The following AGO2 variants were observed in gnomAD, a reference collection of about 807,000 sequenced individuals.
AGO2 encodes protein argonaute-2.
A neutral mutation model predicts 102.3 loss-of-function variants in AGO2; 5 were observed. That is an observed-to-expected ratio of 0.05 (90% CI 0.03 to 0.10). AGO2 has a LOEUF of 0.10. AGO2 is among the 10% of genes least tolerant of loss of function. The pLI is 1.00. For synonymous variants in AGO2, 449 were observed against 473.1 expected (o/e 0.95, Z 0.66); for missense variants, 541 against 1,183.7 (o/e 0.46, Z 7.97).
chr8:140,574,163 G>A (rs190586383), intron 2 of AGO2, among the ~76,000 whole-genome samples: 1 of 120,938 alleles, frequency 8.3e-6, no homozygotes, highest in Non-Finnish European at 1.6e-5. Context: ...CACCGTGACA[G>A]AGAGGCCTCC....
intron 1 of AGO2, among the ~76,000 whole-genome samples, chr8:140,613,725 A>G (rs1426549675): frequency 2.6e-5 from 4 of 152,124 alleles, no homozygotes; most frequent in African/African-American, 9.7e-5. Context: ...CACACTATAA[A>G]GAACAGCTGG....
intron 3 of AGO2, among the ~76,000 whole-genome samples, chr8:140,565,096 A>G (rs1271867368): frequency 2.8e-5 from 4 of 143,388 alleles, no homozygotes; most frequent in Non-Finnish European, 6.1e-5. Flanking sequence ...ATCGCACCAT[A>G]CTCCAGCTTG....
chr8:140,635,643 ACGCGGCCGGGGC>A (rs1213270343), upstream of AGO2: 2 of 516,648 alleles, frequency 3.9e-6, no homozygotes, highest in Middle Eastern at 9.5e-4. Context: ...GGTTTACCCG[ACGCGGCCGGGGC>A]GGCGGGCGGA....
chr8:140,598,900 T>C (rs1316882228), intron 1 of AGO2, among the ~76,000 whole-genome samples: 2 of 152,220 alleles, frequency 1.3e-5, no homozygotes, highest in Admixed American at 6.5e-5. Flanking sequence ...AGCCTCCCCA[T>C]GCGTTTTCCT....
At chr8:140,621,699 T>G (rs1261826613) in intron 1 of AGO2, among the ~76,000 whole-genome samples, 1 of 152,194 alleles carries the variant, frequency 6.6e-6, no homozygotes, top group Admixed American at 6.5e-5. Context: ...GGGCAAAACA[T>G]CTTAAATCTA....
chr8:140,535,384 C>A, intron 17 of AGO2, 84 bp downstream of exon 17: 1 of 1,427,928 alleles, frequency 7.0e-7, no homozygotes, highest in Admixed American at 1.7e-5. Context: ...TCCCACGTGC[C>A]AGCCAGAGTG....
At chr8:140,636,962 G>A (rs987837224), upstream of AGO2, 3 of 152,106 alleles carry the variant, frequency 2.0e-5, no homozygotes, top group African/African-American at 7.2e-5. Context: ...CATTCTTTAG[G>A]GAAGCATCAT....
chr8:140,598,045 G>A (rs937475637), intron 1 of AGO2, among the ~76,000 whole-genome samples: 1 of 152,226 alleles, frequency 6.6e-6, no homozygotes, highest in African/African-American at 2.4e-5. Flanking sequence ...GTCGAACACT[G>A]AGCTTACTAT....
intron 3 of AGO2, chr8:140,572,568 G>C: frequency 2.3e-6 from 1 of 428,898 alleles, no homozygotes; most frequent in Non-Finnish European, 4.0e-6. Context: ...TTAAAGTTTG[G>C]TGGTTTCAGC....
At chr8:140,605,527 G>C (rs917962513) in intron 1 of AGO2, among the ~76,000 whole-genome samples, 3 of 152,244 alleles carry the variant, frequency 2.0e-5, no homozygotes, top group African/African-American at 7.2e-5. Context: ...GACGCACGGG[G>C]ATACCAGGCC....
chr8:140,562,308 G>A (rs1038841507), intron 4 of AGO2, 145 bp downstream of exon 4: 4 of 987,986 alleles, frequency 4.0e-6, no homozygotes, highest in African/African-American at 3.3e-5. Flanking sequence ...CACCATTTGT[G>A]TTATCTTCAT....
At chr8:140,627,716 TCA>T (rs2074294349) in intron 1 of AGO2, among the ~76,000 whole-genome samples, 1 of 152,148 alleles carries the variant, frequency 6.6e-6, no homozygotes, top group Admixed American at 6.5e-5. Context: ...GCCCCAGTAA[TCA>T]CCTTCAGAAG....
intron 3 of AGO2, among the ~76,000 whole-genome samples, chr8:140,565,086 A>G (rs2132952852): frequency 6.6e-6 from 1 of 151,884 alleles, no homozygotes; most frequent in African/African-American, 2.4e-5. Context: ...GTGAGCCGAG[A>G]TCGCACCATA....
rs1564063516 is a variant in AGO2 at position 140,522,665 on chromosome 8, C to CG, written c.*9378_*9379insC. On this transcript the variant is annotated 3_prime_UTR_variant, in exon 19 of 19. Coordinates refer to ENST00000220592, the MANE Select transcript of AGO2 (RefSeq NM_012154.5). ...AAGCTATGGCCATAGCCAAGCTAGA[C>CG]AAGAGAGAGAGAGAGAGACAGAGAC... 86 of 70,638 alleles carry CG rather than the reference C, an allele frequency of 1.2e-3. 1 individual carries two copies. Among genetic ancestry groups the CG allele is most frequent in the African/African-American group, 3.3e-3 (71 of 21,700 alleles). 4.4% of individuals were successfully genotyped at this position (70,638 alleles called of 1,614,324 possible). A position where few individuals can be genotyped will look rare whatever the true frequency, so the allele number is the denominator to read the frequency against.
At chr8:140,573,628 G>A (rs2132979936) in intron 2 of AGO2, among the ~76,000 whole-genome samples, 1 of 152,294 alleles carries the variant, frequency 6.6e-6, no homozygotes, top group East Asian at 1.9e-4. Context: ...TACGCGCTGG[G>A]CACTTTATAT....
At chr8:140,619,841 T>A (rs2074194820) in intron 1 of AGO2, among the ~76,000 whole-genome samples, 1 of 152,102 alleles carries the variant, frequency 6.6e-6, no homozygotes, top group South Asian at 2.1e-4. Context: ...CCTGCTGGGG[T>A]GGATGTGAAT....
chr8:140,603,820 G>A (rs960185241), intron 1 of AGO2, among the ~76,000 whole-genome samples: 2 of 152,232 alleles, frequency 1.3e-5, no homozygotes, highest in African/African-American at 4.8e-5. Flanking sequence ...GCAACTGTGC[G>A]GCCTCTTCCA....
chr8:140,601,175 G>C (rs1192223975), intron 1 of AGO2, among the ~76,000 whole-genome samples: 7 of 152,212 alleles, frequency 4.6e-5, no homozygotes, highest in Admixed American at 4.6e-4. Context: ...CGGGTTCCGA[G>C]GCTGTCCGGC....
chr8:140,574,131 C>T (rs977654707), intron 2 of AGO2, among the ~76,000 whole-genome samples: 3 of 148,326 alleles, frequency 2.0e-5, no homozygotes, highest in African/African-American at 7.5e-5. Context: ...CCCCACCCTC[C>T]ACCCCCCAAC....
Sources: gnomAD v4.1 joint callset for allele counts (sites outside exome capture counted in the v4.1 genomes callset) on GRCh38, gnomAD v4.1.1 for gene constraint, MANE v1.5 for transcripts, NCBI Gene and HGNC (gene_info 2026-07-23, HGNC 2026-07-21) for gene names.